Variants in ANKRD36C observed in about 807,000 individuals in gnomAD.
The protein encoded by ANKRD36C is ankyrin repeat domain 36C, also known as ankyrin repeat domain-containing protein 36C.
Under a neutral mutation model 276.4 loss-of-function variants are expected in ANKRD36C, and 61 were observed. That is an observed-to-expected ratio of 0.22 (90% CI 0.18 to 0.27). The LOEUF (loss-of-function observed/expected upper bound fraction) is 0.27, where lower values mean the gene tolerates loss of function less well. ANKRD36C is among the 10% of genes least tolerant of loss of function. ANKRD36C has a pLI of 1.00. For missense variants in ANKRD36C, 1,447 were observed against 2,032.3 expected (o/e 0.71, Z 5.54); for synonymous variants, 483 against 680.1 (o/e 0.71, Z 4.51).
chr2:95,962,111 T>C (rs1344410928), intron 8 of ANKRD36C, among the ~76,000 whole-genome samples: 1 of 152,020 alleles, frequency 6.6e-6, no homozygotes, highest in East Asian at 1.9e-4. Context: ...CTGTTATATC[T>C]TGCACTGCTC....
chr2:95,963,958 A>AATATATATATATAAATATATATAT (rs1430376307), intron 6 of ANKRD36C, among the ~76,000 whole-genome samples: 1 of 63,594 alleles, frequency 1.6e-5, no homozygotes, highest in Non-Finnish European at 3.1e-5. Context: ...TATATATATA[A>AATATATATATATAAATATATATAT]ATATATATAT....
chr2:95,885,807 A>G (rs1042761233), intron 52 of ANKRD36C, among the ~76,000 whole-genome samples: 1 of 151,800 alleles, frequency 6.6e-6, no homozygotes, highest in African/African-American at 2.4e-5. Flanking sequence ...TTATGTGCTG[A>G]ACCGCTCTCC....
chr2:95,891,923 C>G, intron 44 of ANKRD36C, 63 bp from the exon 65 acceptor site: 2 of 1,545,796 alleles, frequency 1.3e-6, no homozygotes, highest in Non-Finnish European at 8.7e-7. Context: ...TCCACACATT[C>G]ATGCAGTGTT....
chr2:95,944,114 T>C (rs1169481797), intron 19 of ANKRD36C, among the ~76,000 whole-genome samples: 4 of 152,212 alleles, frequency 2.6e-5, no homozygotes, highest in Admixed American at 6.5e-5. Context: ...TACTTGGCTT[T>C]CTTTTCTTAA....
exon 59 of ANKRD36C, chr2:95,876,496 T>G: frequency 6.2e-7 from 1 of 1,608,966 alleles, no homozygotes; most frequent in Non-Finnish European, 8.5e-7. Context: ...CTGATGCCAT[T>G]TCTAAGTCTT....
chr2:95,954,683 T>G (rs1224431211), intron 13 of ANKRD36C, among the ~76,000 whole-genome samples: 3 of 152,182 alleles, frequency 2.0e-5, no homozygotes, highest in Non-Finnish European at 4.4e-5. Context: ...ATTAAAAATT[T>G]TAAAATCCAA....
chr2:95,891,847 T>C (rs1253769624), exon 45 of ANKRD36C: 1 of 1,563,108 alleles, frequency 6.4e-7, no homozygotes, highest in African/African-American at 1.4e-5. Context: ...AGCCTGATGG[T>C]TTCTCAGAAG....
At chr2:95,957,270 C>T (rs373348841) in intron 12 of ANKRD36C, among the ~76,000 whole-genome samples, 3 of 140,436 alleles carry the variant, frequency 2.1e-5, no homozygotes, top group Admixed American at 7.1e-5. Context: ...GCCAGGATCA[C>T]GCATGTCTTT....
At chr2:95,849,481 T>C (rs1246491870), downstream of ANKRD36C, among the ~76,000 whole-genome samples, 4 of 152,350 alleles carry the variant, frequency 2.6e-5, no homozygotes, top group East Asian at 5.8e-4. Flanking sequence ...GGCAGCAGTT[T>C]TGTGAAAGAT....
At chr2:95,918,067 T>A (rs1677156634) in intron 34 of ANKRD36C, 25 bp from the exon 37 acceptor site, 2 of 1,596,996 alleles carry the variant, frequency 1.3e-6, no homozygotes, top group Admixed American at 3.5e-5. Flanking sequence ...GGATACATAA[T>A]CACTCATGTG....
At chr2:95,911,163 A>T (rs1235119418) in intron 42 of ANKRD36C, among the ~76,000 whole-genome samples, 1 of 151,470 alleles carries the variant, frequency 6.6e-6, no homozygotes, top group East Asian at 2.0e-4. Flanking sequence ...ATGTGGTGTA[A>T]TACTTTGCTT....
intron 12 of ANKRD36C, among the ~76,000 whole-genome samples, chr2:95,958,275 C>T (rs960917218): frequency 6.6e-6 from 1 of 151,926 alleles, no homozygotes; most frequent in African/African-American, 2.4e-5. Context: ...TCTTGTTCTC[C>T]TTCCTGTCTT....
intron 28 of ANKRD36C, among the ~76,000 whole-genome samples, chr2:95,926,889 C>G (rs528327609): frequency 4.4e-4 from 66 of 151,672 alleles, no homozygotes; most frequent in African/African-American, 1.5e-3. Context: ...TCTGTAAAAT[C>G]TATACTTCAT....
intron 22 of ANKRD36C, among the ~76,000 whole-genome samples, chr2:95,936,587 C>T (rs62153755): frequency 0.23 from 33,198 of 147,380 alleles, 95 homozygotes; most frequent in East Asian, 0.36. Flanking sequence ...TGTTCGAGTG[C>T]GAATATACCA....
intron 32 of ANKRD36C, 123 bp downstream of exon 32, chr2:95,923,372 G>T: frequency 1.5e-6 from 2 of 1,312,604 alleles, no homozygotes; most frequent in South Asian, 2.7e-5. Context: ...TACAAATGAA[G>T]AATCTCCGGC....
intron 16 of ANKRD36C, among the ~76,000 whole-genome samples, chr2:95,949,293 C>T (rs1678135116): frequency 1.3e-5 from 2 of 151,624 alleles, no homozygotes; most frequent in Non-Finnish European, 2.9e-5. Flanking sequence ...TAGATCCTGC[C>T]TTATTCAGGT....
intron 42 of ANKRD36C, among the ~76,000 whole-genome samples, chr2:95,912,043 T>G (rs1038364459): frequency 2.0e-5 from 3 of 151,438 alleles, no homozygotes; most frequent in South Asian, 2.1e-4. Flanking sequence ...AATTGCAATG[T>G]GGGGATGTGT....
At chr2:95,983,610 T>C (rs1201344151) in intron 3 of ANKRD36C, among the ~76,000 whole-genome samples, 1 of 151,422 alleles carries the variant, frequency 6.6e-6, no homozygotes, top group Non-Finnish European at 1.5e-5. Flanking sequence ...TATTTATTTA[T>C]TTATTTATTT....
At chr2:95,975,059 G>A (rs1243597668) in intron 6 of ANKRD36C, among the ~76,000 whole-genome samples, 1 of 151,796 alleles carries the variant, frequency 6.6e-6, no homozygotes, top group African/African-American at 2.4e-5. Flanking sequence ...ATCAGTGTTG[G>A]ACATTTGGGT....
Sources: allele counts gnomAD v4.1 joint callset (sites outside exome capture counted in the v4.1 genomes callset), GRCh38; gene constraint gnomAD v4.1.1; transcripts MANE v1.5; gene names NCBI Gene and HGNC (gene_info 2026-07-23, HGNC 2026-07-21).